The following DLG1 variants were observed in gnomAD, a reference collection of about 807,000 sequenced individuals.
DLG1 encodes discs large MAGUK scaffold protein 1, also known as disks large homolog 1.
In DLG1, 42 loss-of-function variants were observed where a neutral mutation model predicts 123.4. That is an observed-to-expected ratio of 0.34 (90% CI 0.27 to 0.44). DLG1 has a LOEUF of 0.44. Among genes scored for constraint, DLG1 ranks in the 20% least tolerant of loss-of-function variants. The pLI, the probability that DLG1 is intolerant of heterozygous loss-of-function variation, is 1.00. For synonymous variants in DLG1, 317 were observed against 356.2 expected (o/e 0.89, Z 1.24); for missense variants, 942 against 1,082.6 (o/e 0.87, Z 1.82).
In DLG1 at chr3:197,250,374, C is replaced by T. The variant is rs558655901; in HGVS notation, c.318+32305G>A. On this transcript the variant is annotated intron_variant, in intron 4 of 24. Coordinates refer to ENST00000667157, the MANE Select transcript of DLG1 (RefSeq NM_001366207.1). ...CACGAGGTCAGGAGTTCGAGACCAG[C>T]CTGGCCAACATTGTGAAACCCCAGG... Among the ~76,000 whole-genome samples the T allele has an allele frequency of 3.3e-5, 5 of 152,046 alleles. 1 individual carries two copies. The highest frequency in any genetic ancestry group is 3.3e-4 in the Admixed American group (5 of 15,292).
intron 12 of DLG1, among the ~76,000 whole-genome samples, chr3:197,116,310 G>A (rs1423235430): frequency 2.0e-5 from 3 of 151,564 alleles, no homozygotes; most frequent in African/African-American, 7.3e-5. Context: ...ATATAAAACA[G>A]AAATGAAACC....
chr3:197,176,197 T>C (rs1350214324), intron 5 of DLG1, among the ~76,000 whole-genome samples: 1 of 152,126 alleles, frequency 6.6e-6, no homozygotes. Context: ...ATAGACTTTA[T>C]ATATTTTTTT....
intron 18 of DLG1, 116 bp from the exon 19 acceptor site, chr3:197,069,376 AT>A (rs1211725464): frequency 5.1e-6 from 3 of 590,210 alleles, no homozygotes; most frequent in Non-Finnish European, 8.2e-6. Context: ...TTTTAAAAGC[AT>A]TTTCTTTTTC....
At chr3:197,201,694 C>T (rs969290962) in intron 4 of DLG1, among the ~76,000 whole-genome samples, 4 of 152,004 alleles carry the variant, frequency 2.6e-5, no homozygotes, top group Admixed American at 2.0e-4. Context: ...TGGAAAAACA[C>T]CCATGCTCAT....
chr3:197,269,296 T>C (rs2151026682), intron 4 of DLG1, among the ~76,000 whole-genome samples: 1 of 152,302 alleles, frequency 6.6e-6, no homozygotes, highest in Non-Finnish European at 1.5e-5. Context: ...ACAGCAAAGA[T>C]GTCACTAGGA....
chr3:197,173,833 G>A (rs1440852013), intron 5 of DLG1, among the ~76,000 whole-genome samples: 1 of 152,214 alleles, frequency 6.6e-6, no homozygotes, highest in Non-Finnish European at 1.5e-5. Context: ...AGGCATGGTG[G>A]CTCATGCCTG....
intron 5 of DLG1, among the ~76,000 whole-genome samples, chr3:197,166,340 GA>G (rs1336300713): frequency 2.0e-5 from 3 of 152,268 alleles, no homozygotes; most frequent in African/African-American, 4.8e-5. Context: ...CCTTGCGTCA[GA>G]AAAGGCAGTT....
At chr3:197,161,686 A>G (rs755987767) in intron 5 of DLG1, 1 of 1,577,540 alleles carries the variant, frequency 6.3e-7, no homozygotes, top group South Asian at 1.2e-5. Context: ...AGGGACTGGC[A>G]GGACAGGGAT....
chr3:197,218,624 C>CT (rs781552307), intron 4 of DLG1, among the ~76,000 whole-genome samples: 1 of 152,192 alleles, frequency 6.6e-6, no homozygotes, highest in Non-Finnish European at 1.5e-5. Context: ...CTCCTGCTGT[C>CT]TGAGATGTTT....
intron 11 of DLG1, among the ~76,000 whole-genome samples, chr3:197,120,528 A>G (rs145492014): frequency 5.1e-4 from 78 of 152,350 alleles, no homozygotes; most frequent in African/African-American, 1.7e-3. Flanking sequence ...CAACTATGAT[A>G]AAGTTACAAA....
intron 5 of DLG1, among the ~76,000 whole-genome samples, chr3:197,190,581 C>G (rs1471116743): frequency 3.3e-5 from 5 of 152,196 alleles, no homozygotes; most frequent in Non-Finnish European, 1.5e-5. Context: ...CACAATGCTT[C>G]GCAACTGTGC....
chr3:197,065,059 T>C (rs1460186543), intron 22 of DLG1, among the ~76,000 whole-genome samples: 1 of 151,602 alleles, frequency 6.6e-6, no homozygotes, highest in Non-Finnish European at 1.5e-5. Context: ...TTCTCTTACA[T>C]TCATGTTATC....
chr3:197,051,967 A>G (rs1728109318), intron 23 of DLG1, among the ~76,000 whole-genome samples: 1 of 150,356 alleles, frequency 6.7e-6, no homozygotes, highest in African/African-American at 2.5e-5. Flanking sequence ...CCCATCTCTC[A>G]AGTAGCTGGA....
At chr3:197,049,983 C>G (rs1380645103) in intron 24 of DLG1, among the ~76,000 whole-genome samples, 1 of 152,038 alleles carries the variant, frequency 6.6e-6, no homozygotes, top group Admixed American at 6.6e-5. Context: ...ATTGCTTGAG[C>G]CCAGGAGGTT....
At chr3:197,259,016 T>C (rs1758146449) in intron 4 of DLG1, among the ~76,000 whole-genome samples, 1 of 151,988 alleles carries the variant, frequency 6.6e-6, no homozygotes, top group Non-Finnish European at 1.5e-5. Context: ...TGTAAAAAAA[T>C]TCAAAGTCTA....
At chr3:197,137,329 T>A (rs945986958) in intron 9 of DLG1, among the ~76,000 whole-genome samples, 5 of 152,248 alleles carry the variant, frequency 3.3e-5, no homozygotes, top group African/African-American at 9.6e-5. Flanking sequence ...TTACTGCAGA[T>A]GTAACTGCTC....
At chr3:197,132,309 A>G (rs1008182080) in intron 10 of DLG1, among the ~76,000 whole-genome samples, 1 of 150,184 alleles carries the variant, frequency 6.7e-6, no homozygotes, top group Non-Finnish European at 1.5e-5. Flanking sequence ...TTTTTTGCAA[A>G]TAAGTAAAAC....
intron 5 of DLG1, among the ~76,000 whole-genome samples, chr3:197,173,810 T>C (rs1805567328): frequency 6.6e-6 from 1 of 152,158 alleles, no homozygotes; most frequent in African/African-American, 2.4e-5. Flanking sequence ...CAATAAAACT[T>C]TATTTACAAG....
chr3:197,233,998 G>C (rs1744648522), intron 4 of DLG1, among the ~76,000 whole-genome samples: 1 of 152,192 alleles, frequency 6.6e-6, no homozygotes, highest in African/African-American at 2.4e-5. Flanking sequence ...CTTTGAAACA[G>C]CATCTTAGGT....
Sources: gnomAD v4.1 joint callset for allele counts (sites outside exome capture counted in the v4.1 genomes callset) on GRCh38, gnomAD v4.1.1 for gene constraint, MANE v1.5 for transcripts, NCBI Gene and HGNC (gene_info 2026-07-23, HGNC 2026-07-21) for gene names.